Variants in FLYWCH1 observed in about 807,000 individuals in gnomAD.
FLYWCH1 encodes the protein FLYWCH-type zinc finger 1, also known as FLYWCH-type zinc finger-containing protein 1.
A neutral mutation model predicts 66.4 loss-of-function variants in FLYWCH1; 75 were observed. The ratio of observed to expected loss-of-function variants is 1.13; its 90% CI spans 0.94 to 1.37. The LOEUF (loss-of-function observed/expected upper bound fraction) is 1.37, where lower values mean the gene tolerates loss of function less well. Ranked by LOEUF, FLYWCH1 falls within the 40% of genes most tolerant of loss-of-function variation. The pLI is 0.00. For missense variants in FLYWCH1, 1,334 were observed against 1,001.8 expected (o/e 1.33, Z -4.48); for synonymous variants, 595 against 429.9 (o/e 1.38, Z -4.75).
chr16:2,920,800 C>T (rs986621282), intron 2 of FLYWCH1, among the ~76,000 whole-genome samples: 12 of 150,140 alleles, frequency 8.0e-5, no homozygotes, highest in African/African-American at 2.2e-4. Flanking sequence ...CTTGGCCTCC[C>T]GAAGTGCTAG....
Position 2,938,429 on chromosome 16 carries a change from C to T in FLYWCH1, c.2023C>T (p.Pro675Ser), listed in dbSNP as rs908998144. The T allele has an allele frequency of 6.5e-7, 1 of 1,528,596 alleles. No homozygotes were observed. Among genetic ancestry groups the T allele is most frequent in the African/African-American group, 1.4e-5 (1 of 72,132 alleles). The allele number at this position is 1,528,596 out of a possible 1,614,324, so 94.7% of individuals were successfully genotyped here. The change falls in exon 8 of 10, where the codon CCC (proline) becomes TCC (serine). Residue 675 changes from proline (P) to serine (S), a missense_variant. Transcript: ENST00000253928. ...GGCCTTGAGGCAACGGGAGCGGCTC[C>T]CCACCACGGCCCAGCAGGAGGACCC... ...LEALRQRERL[P>S]TTAQQEDPEK...
At chr16:2,931,305 T>TAAAAAAAA (rs150704073) in intron 4 of FLYWCH1, among the ~76,000 whole-genome samples, 11 of 87,440 alleles carry the variant, frequency 1.3e-4, no homozygotes, top group East Asian at 3.3e-4. Flanking sequence ...TCCATCTCAG[T>TAAAAAAAA]AAAAAAAAAA....
At chr16:2,943,804 G>A (rs2071368126) in intron 9 of FLYWCH1, among the ~76,000 whole-genome samples, 1 of 152,014 alleles carries the variant, frequency 6.6e-6, no homozygotes, top group Non-Finnish European at 1.5e-5. Context: ...AGGCGTGGTG[G>A]CGAGCACCCG....
At chr16:2,943,911 T>G (rs564970234) in intron 9 of FLYWCH1, among the ~76,000 whole-genome samples, 6 of 151,448 alleles carry the variant, frequency 4.0e-5, no homozygotes, top group African/African-American at 1.5e-4. Flanking sequence ...CACTCCAGCC[T>G]GGGCAACATA....
intron 5 of FLYWCH1, 49 bp downstream of exon 5, chr16:2,933,631 T>C (rs1425528392): frequency 6.4e-7 from 1 of 1,560,618 alleles, no homozygotes; most frequent in Non-Finnish European, 8.7e-7. Flanking sequence ...GACTCTTGCC[T>C]CCAGAGGTCC....
chr16:2,913,412 T>A (rs2070058196), intron 1 of FLYWCH1, among the ~76,000 whole-genome samples: 1 of 151,000 alleles, frequency 6.6e-6, no homozygotes, highest in South Asian at 2.1e-4. Context: ...GCTGGGGGGG[T>A]CTCATTGGCC....
rs747982585 is a variant in FLYWCH1 at position 2,933,913 on chromosome 16, C to T, written c.1447C>T (p.Leu483=). The T allele has an allele frequency of 6.4e-7, 1 of 1,574,342 alleles. No individual in the cohort carries two copies. Among genetic ancestry groups the T allele is most frequent in the Admixed American group, 1.9e-5 (1 of 53,374 alleles). The stretch of plus-strand genomic sequence containing the variant: ...GCGTGGTCACTGCCACCCGCCCGAC[C>T]TGGGAGGCCTGGAGGCCCTGAGGCA... The part of the protein sequence containing the change: ...VMRGHCHPPD[L]GGLEALRQRE... Residue 483 remains leucine, a synonymous_variant, in exon 6 of 10, where the codon CTG becomes TTG. Coordinates refer to ENST00000253928, the MANE Select transcript of FLYWCH1 (RefSeq NM_001308068.2).
intron 2 of FLYWCH1, among the ~76,000 whole-genome samples, chr16:2,927,632 T>C (rs866475600): frequency 6.6e-6 from 1 of 152,216 alleles, no homozygotes; most frequent in African/African-American, 2.4e-5. Context: ...GTTATAATTG[T>C]GGCCAAATTG....
chr16:2,927,300 TG>T (rs775565652), intron 2 of FLYWCH1, among the ~76,000 whole-genome samples: 2 of 152,194 alleles, frequency 1.3e-5, no homozygotes, highest in Non-Finnish European at 2.9e-5. Flanking sequence ...TCTTGAGGCG[TG>T]GCAGTTCCTG....
intron 2 of FLYWCH1, among the ~76,000 whole-genome samples, chr16:2,926,757 G>A (rs1476153991): frequency 6.6e-6 from 1 of 152,148 alleles, no homozygotes; most frequent in Non-Finnish European, 1.5e-5. Context: ...TGGCCATAAA[G>A]CCATGTTGAC....
rs751018382 is a variant in FLYWCH1 at position 2,933,908 on chromosome 16, C to T, written c.1442C>T (p.Pro481Leu). 1 of 1,578,230 alleles carries T rather than the reference C, an allele frequency of 6.3e-7. No individual in the cohort carries two copies. Among genetic ancestry groups the T allele is most frequent in the Non-Finnish European group, 8.6e-7 (1 of 1,162,434 alleles). Residue 481 changes from proline to leucine, a missense_variant, in exon 6 of 10, where the codon CCC (proline) becomes CTC (leucine). By Grantham distance (98) the Pro-to-Leu change is moderately conservative. Transcript: ENST00000253928. ...VTVMRGHCHP[P>L]DLGGLEALRQ... ...GTCATGCGTGGTCACTGCCACCCGC[C>T]CGACCTGGGAGGCCTGGAGGCCCTG...
intron 2 of FLYWCH1, among the ~76,000 whole-genome samples, chr16:2,919,767 C>T (rs922732697): frequency 1.3e-5 from 2 of 152,106 alleles, no homozygotes; most frequent in African/African-American, 4.8e-5. Context: ...GGAAAAATTT[C>T]CAAATTCTTG....
chr16:2,935,565 G>A (rs1050154149), intron 6 of FLYWCH1: 1 of 152,096 alleles, frequency 6.6e-6, no homozygotes, highest in African/African-American at 2.4e-5. Flanking sequence ...CGTTTCCTGG[G>A]CCGGTCCCGG....
At chr16:2,913,470 G>C (rs1180593951) in intron 1 of FLYWCH1, among the ~76,000 whole-genome samples, 1 of 152,128 alleles carries the variant, frequency 6.6e-6, no homozygotes, top group Non-Finnish European at 1.5e-5. Flanking sequence ...CTTTGGAGCT[G>C]TGGCTCTTGG....
At chr16:2,927,368 G>A (rs997481307) in intron 2 of FLYWCH1, among the ~76,000 whole-genome samples, 1 of 152,148 alleles carries the variant, frequency 6.6e-6, no homozygotes, top group Non-Finnish European at 1.5e-5. Flanking sequence ...CACCTGCGGT[G>A]GCTAATGCTA....
intron 9 of FLYWCH1, among the ~76,000 whole-genome samples, chr16:2,941,408 T>C (rs1392283930): frequency 6.6e-6 from 1 of 152,142 alleles, no homozygotes; most frequent in African/African-American, 2.4e-5. Flanking sequence ...AACACTTCTA[T>C]TAAAAAGGAA....
chr16:2,931,744 C>T (rs982887723), intron 4 of FLYWCH1, among the ~76,000 whole-genome samples: 2 of 150,616 alleles, frequency 1.3e-5, no homozygotes, highest in Non-Finnish European at 3.0e-5. Flanking sequence ...CTGAGGTGGG[C>T]GGATCATGAG....
intron 6 of FLYWCH1, chr16:2,936,217 T>G: frequency 2.8e-6 from 1 of 352,660 alleles, no homozygotes. Context: ...AGCCCCTTGC[T>G]GGATATTTTC....
intron 9 of FLYWCH1, among the ~76,000 whole-genome samples, chr16:2,948,324 G>A (rs773160756): frequency 1.3e-5 from 2 of 151,948 alleles, no homozygotes; most frequent in East Asian, 1.9e-4. Context: ...TTTGGTAGGC[G>A]GAGGTGGGTG....
Sources: gnomAD v4.1 joint callset for allele counts (sites outside exome capture counted in the v4.1 genomes callset) on GRCh38, gnomAD v4.1.1 for gene constraint, MANE v1.5 for transcripts, NCBI Gene and HGNC (gene_info 2026-07-23, HGNC 2026-07-21) for gene names.